The following MAST2 variants were observed in gnomAD, a reference collection of about 807,000 sequenced individuals.
MAST2 encodes the protein microtubule-associated serine/threonine-protein kinase 2.
Under a neutral mutation model 147.4 loss-of-function variants are expected in MAST2, and 70 were observed. The ratio of observed to expected loss-of-function variants is 0.47; its 90% confidence interval spans 0.39 to 0.58. The LOEUF (loss-of-function observed/expected upper bound fraction) is 0.58. MAST2 is among the 20% of genes least tolerant of loss of function. The probability of loss-of-function intolerance (pLI) is 0.00; values close to 1 mark genes in which losing one functional copy is unlikely to be tolerated. For synonymous variants in MAST2, 869 were observed against 896.8 expected, an observed-to-expected ratio of 0.97 and a Z score of 0.55; for missense variants, 2,080 against 2,302.3, an observed-to-expected ratio of 0.90 and a Z score of 1.98.
intron 6 of MAST2, among the ~76,000 whole-genome samples, chr1:46,000,279 A>C (rs992860770): frequency 1.1e-4 from 16 of 152,218 alleles, no homozygotes; most frequent in African/African-American, 3.6e-4. Flanking sequence ...GTGCCACTGC[A>C]CTCCAGCCTG....
chr1:45,886,774 G>A (rs12144263), intron 4 of MAST2, among the ~76,000 whole-genome samples: 67,642 of 151,954 alleles, frequency 0.45, 15,245 homozygotes, highest in East Asian at 0.62. Flanking sequence ...GCTATAGTGG[G>A]GGCCTCTTTT....
At chr1:45,903,454 ACTGCTT>A (rs1259133569) in intron 4 of MAST2, among the ~76,000 whole-genome samples, 1 of 151,950 alleles carries the variant, frequency 6.6e-6, no homozygotes, top group Admixed American at 6.6e-5. Context: ...CAGTCTAAAC[ACTGCTT>A]TTGTTGTATT....
intron 3 of MAST2, among the ~76,000 whole-genome samples, chr1:45,858,579 T>C (rs1645871131): frequency 6.8e-6 from 1 of 148,106 alleles, no homozygotes. Flanking sequence ...TTCACTCTGA[T>C]GGTAGTTTCT....
chr1:45,869,119 T>TGGTTTTA (rs1646278295), intron 3 of MAST2, among the ~76,000 whole-genome samples: 2 of 152,212 alleles, frequency 1.3e-5, no homozygotes, highest in Non-Finnish European at 2.9e-5. Context: ...TTTTCTGACA[T>TGGTTTTA]TCCCCCCATT....
chr1:45,923,972 A>C (rs2148662206), intron 4 of MAST2, among the ~76,000 whole-genome samples: 1 of 152,246 alleles, frequency 6.6e-6, no homozygotes, highest in Admixed American at 6.5e-5. Context: ...CCCAGTTTCA[A>C]GCAATTCTCC....
In MAST2 at chr1:45,948,706, CAAAAAAAAAA is replaced by C. The variant is rs34012353; in HGVS notation, c.501-10662_501-10653del. ...TGGGCGACAGAGTGAGACTCCATCTCAAAAAAAAAAAAAAAAAAAAAAAAAAAGTCATATG... is the reference window on the plus strand; with the variant it reads ...TGGGCGACAGAGTGAGACTCCATCTCAAAAAAAAAAAAAAAAAGTCATATG... On this transcript the variant is annotated intron_variant, in intron 4 of 28. Coordinates refer to ENST00000361297, the MANE Select transcript of MAST2 (RefSeq NM_015112.3). Among the ~76,000 whole-genome samples, 74 of 40,262 alleles carry C rather than the reference CAAAAAAAAAA, an allele frequency of 1.8e-3. 1 individual carries two copies. The highest frequency in any genetic ancestry group is 7.7e-3 in the African/African-American group (68 of 8,844). The allele number at this position is 40,262 out of a possible 152,430, so 26.4% of individuals were successfully genotyped here. A position where few individuals can be genotyped will look rare whatever the true frequency, so the allele number is the denominator to read the frequency against.
chr1:45,928,009 T>C (rs1374038939), intron 4 of MAST2, among the ~76,000 whole-genome samples: 1 of 152,238 alleles, frequency 6.6e-6, no homozygotes, highest in Non-Finnish European at 1.5e-5. Flanking sequence ...AGCAGGAAGC[T>C]GAAGCTTTCT....
chr1:45,901,875 T>A (rs1487962833), intron 4 of MAST2, among the ~76,000 whole-genome samples: 1 of 152,184 alleles, frequency 6.6e-6, no homozygotes. Context: ...TAGGAATCAT[T>A]TGGAGTAATG....
intron 4 of MAST2, among the ~76,000 whole-genome samples, chr1:45,939,121 T>G (rs1326124362): frequency 1.3e-5 from 2 of 152,194 alleles, no homozygotes; most frequent in Non-Finnish European, 2.9e-5. Flanking sequence ...AGCTGTTTTT[T>G]TTTTCCATTT....
intron 10 of MAST2, among the ~76,000 whole-genome samples, chr1:46,017,536 A>G (rs1386456737): frequency 6.6e-6 from 1 of 152,220 alleles, no homozygotes; most frequent in Non-Finnish European, 1.5e-5. Flanking sequence ...TCAAAAGAAG[A>G]CATTTATGCA....
At chr1:45,911,294 A>G (rs1003689814) in intron 4 of MAST2, among the ~76,000 whole-genome samples, 27 of 152,130 alleles carry the variant, frequency 1.8e-4, no homozygotes, top group African/African-American at 6.3e-4. Context: ...GGTAAAAGTA[A>G]TATCTTCTTT....
chr1:45,910,117 T>G (rs1651449073), intron 4 of MAST2, among the ~76,000 whole-genome samples: 1 of 151,666 alleles, frequency 6.6e-6, no homozygotes, highest in South Asian at 2.1e-4. Context: ...CAGTTGTTTT[T>G]TTTTTTTTTC....
At position 46,034,578 on chromosome 1, in the gene MAST2, C is replaced by T. The variant is rs765801654; in HGVS notation, c.3909C>T (p.Ser1303=). Residue 1303 remains serine, a synonymous_variant, in exon 29 of 29, where the codon AGC becomes AGT. Transcript: ENST00000361297. ...NSSQSSSPSS[S]VPSSPAGSGH... The stretch of plus-strand genomic sequence containing the variant: ...CACAGAGCAGCTCCCCCAGCTCCAG[C>T]GTGCCCAGTTCCCCAGCCGGCTCTG... 1.1e-5 allele frequency: 18 copies of T among 1,613,830 alleles called. No homozygotes were observed. Among genetic ancestry groups the T allele is most frequent in the African/African-American group, 9.3e-5 (7 of 74,896 alleles).
At chr1:45,909,820 CT>C (rs1651385741) in intron 4 of MAST2, among the ~76,000 whole-genome samples, 1 of 150,250 alleles carries the variant, frequency 6.7e-6, no homozygotes, top group South Asian at 2.2e-4. Context: ...CTGGCCCTTT[CT>C]TTTCTTTTTT....
At chr1:45,814,726 G>T (rs1256651492) in intron 1 of MAST2, among the ~76,000 whole-genome samples, 2 of 152,312 alleles carry the variant, frequency 1.3e-5, no homozygotes, top group Admixed American at 1.3e-4. Flanking sequence ...GTTGGAGGTT[G>T]CAGTGAGCCA....
intron 5 of MAST2, among the ~76,000 whole-genome samples, chr1:45,994,431 C>T (rs1170805133): frequency 4.6e-5 from 7 of 151,964 alleles, no homozygotes; most frequent in Non-Finnish European, 8.8e-5. Flanking sequence ...GGATTACAGG[C>T]ATGTGCCAGC....
At position 46,000,902 on chromosome 1, in the gene MAST2, A is replaced by C. The variant is rs1020139522; in HGVS notation, c.669-1903A>C. The C allele has an allele frequency of 5.7e-6, 7 of 1,230,894 alleles. No individual in the cohort carries two copies. The African/African-American group carries it at 7.7e-5, about 14-fold the overall frequency. 76.2% of individuals were successfully genotyped at this position (1,230,894 alleles called of 1,614,324 possible). ...CTAGACCAAATACCAAGATTCAAAA[A>C]GATCACTCTCTCTGGTTCCTTTGGT... On this transcript the variant is annotated intron_variant, in intron 6 of 28. Coordinates refer to ENST00000361297, the MANE Select transcript of MAST2 (RefSeq NM_015112.3).
At chr1:45,970,666 T>TAAAAAA (rs1364812040) in intron 5 of MAST2, among the ~76,000 whole-genome samples, 10 of 36,304 alleles carry the variant, frequency 2.8e-4, no homozygotes, top group Admixed American at 3.4e-4. Flanking sequence ...AGACTCTGTC[T>TAAAAAA]CAAAAAAAAA....
chr1:45,916,868 C>T (rs1652617584), intron 4 of MAST2, among the ~76,000 whole-genome samples: 1 of 152,132 alleles, frequency 6.6e-6, no homozygotes, highest in African/African-American at 2.4e-5. Flanking sequence ...CACTCGAGGT[C>T]AGGAGTTCGA....
Sources: allele counts gnomAD v4.1 joint callset (sites outside exome capture counted in the v4.1 genomes callset), GRCh38; gene constraint gnomAD v4.1.1; transcripts MANE v1.5; gene names NCBI Gene and HGNC (gene_info 2026-07-23, HGNC 2026-07-21).